AIM2: variants seen among roughly 807,000 people sequenced by gnomAD.
AIM2 encodes the protein absent in melanoma 2, also known as interferon-inducible protein AIM2.
Under a neutral mutation model 27.7 loss-of-function variants are expected in AIM2, and 30 were observed. The observed-to-expected ratio is 1.08, with a 90% confidence interval of 0.81 to 1.47. AIM2 has a LOEUF of 1.47. Ranked by LOEUF, AIM2 falls within the 40% of genes most tolerant of loss-of-function variation. The pLI is 0.00. For missense variants in AIM2, 358 were observed against 411.3 expected, an observed-to-expected ratio of 0.87 and a Z score of 1.12; for synonymous variants, 141 against 145.3, an observed-to-expected ratio of 0.97 and a Z score of 0.21.
chr1:159,057,388 T>C, the AIM2 span, among the ~76,000 whole-genome samples: 1 of 152,182 alleles, frequency 6.6e-6, no homozygotes, highest in Admixed American at 6.5e-5. Context: ...AAAAGATGTC[T>C]TGTGACACAC....
At chr1:159,056,738 A>C in the AIM2 span, among the ~76,000 whole-genome samples, 1,070 of 144,852 alleles carry the variant, frequency 7.4e-3, 18 homozygotes, top group African/African-American at 0.026. Flanking sequence ...AAAAAAAAAA[A>C]AAAAAAAAAA....
At chr1:159,075,674 T>C (rs1429492235) in intron 1 of AIM2, among the ~76,000 whole-genome samples, 1 of 151,904 alleles carries the variant, frequency 6.6e-6, no homozygotes, top group African/African-American at 2.4e-5. Context: ...TGGAGAACCA[T>C]GTATCAATAA....
At chr1:159,059,269 A>AAC (rs142543433), downstream of AIM2, among the ~76,000 whole-genome samples, 31 of 150,728 alleles carry the variant, frequency 2.1e-4, no homozygotes, top group South Asian at 6.3e-4. Flanking sequence ...ACACACACCA[A>AAC]ACACACACAC....
chr1:159,081,467 A>G (rs1656773722), upstream of AIM2: 2 of 502,404 alleles, frequency 4.0e-6, no homozygotes, highest in Admixed American at 2.1e-5. Context: ...GTCACATCCA[A>G]TCTGGGAAAT....
chr1:159,111,583 G>C lies in AIM2; in HGVS notation c.-16+28848C>G, dbSNP rs113459264. ...CTTGTCCCCACAGAGTTTATGACAG[G>C]ATTTATGAAACAAAAATCAAAGAAA... is the stretch of plus-strand genomic sequence containing the variant. On this transcript the variant is annotated intron_variant, in intron 1 of 2. Transcript: ENST00000368129. 4.8e-3 allele frequency among the ~76,000 whole-genome samples: 724 copies of C among 152,036 alleles called. 9 individuals are homozygous for C. Among genetic ancestry groups the C allele is most frequent in the African/African-American group, 0.017 (697 of 41,472 alleles).
rs545837561 is a variant in AIM2, at chr1:159,066,228, C to T, written c.498G>A (p.Thr166=). 94 of 1,614,160 alleles carry T rather than the reference C, an allele frequency of 5.8e-5. No individual in the cohort carries two copies. The South Asian group carries it at 8.6e-4, about 15-fold the overall frequency. Residue 166 remains threonine, a synonymous_variant, in exon 4 of 6, where the codon ACG becomes ACA. Coordinates refer to ENST00000368130, the MANE Select transcript of AIM2 (RefSeq NM_004833.3). The part of the protein sequence containing the change: ...VMVLKAKKPF[T]FETQEGKQEM... ...CCTGCTTGCCTTCTTGGGTCTCAAACGTGAAGGGCTTCTTTGCTTTCAGTA... is the reference window on the plus strand; with the variant it reads ...CCTGCTTGCCTTCTTGGGTCTCAAATGTGAAGGGCTTCTTTGCTTTCAGTA...
upstream of AIM2, among the ~76,000 whole-genome samples, chr1:159,080,803 T>C (rs1006906410): frequency 3.9e-5 from 6 of 152,178 alleles, no homozygotes; most frequent in Non-Finnish European, 8.8e-5. Context: ...AGTTCTGATA[T>C]GCCTTCAACA....
chr1:159,094,612 C>T (rs979482808), intron 1 of AIM2, among the ~76,000 whole-genome samples: 4 of 152,280 alleles, frequency 2.6e-5, no homozygotes, highest in South Asian at 4.1e-4. Context: ...GCTGGAGAAT[C>T]GCTTGAAACT....
upstream of AIM2, among the ~76,000 whole-genome samples, chr1:159,077,213 C>A (rs1281368827): frequency 6.6e-6 from 1 of 150,390 alleles, no homozygotes; most frequent in Non-Finnish European, 1.5e-5. Flanking sequence ...TGCAGGCACT[C>A]AAAGATTTGA....
intron 1 of AIM2, among the ~76,000 whole-genome samples, chr1:159,112,427 T>A (rs535083710): frequency 2.6e-5 from 4 of 152,200 alleles, no homozygotes; most frequent in African/African-American, 9.6e-5. Context: ...TTAACAGATA[T>A]AAACAAAAAT....
exon 1 of AIM2, chr1:159,147,011 T>C (rs703154): frequency 0.91 from 137,960 of 152,318 alleles, 62,738 homozygotes; most frequent in East Asian, 1. Flanking sequence ...GAGGCTTACC[T>C]GGAAGAACTT....
chr1:159,090,115 C>T (rs1657012484), intron 1 of AIM2, among the ~76,000 whole-genome samples: 1 of 152,194 alleles, frequency 6.6e-6, no homozygotes, highest in African/African-American at 2.4e-5. Context: ...CTCTAGGGTT[C>T]CCAGGGGGAT....
intron 1 of AIM2, among the ~76,000 whole-genome samples, chr1:159,118,993 T>C (rs1647458295): frequency 6.6e-6 from 1 of 152,204 alleles, no homozygotes; most frequent in Admixed American, 6.5e-5. Context: ...GCTGTGGCTC[T>C]GGTGTGCTTT....
At chr1:159,136,852 A>G (rs922002559) in intron 1 of AIM2, among the ~76,000 whole-genome samples, 2 of 152,232 alleles carry the variant, frequency 1.3e-5, no homozygotes, top group African/African-American at 4.8e-5. Context: ...TCGGCCAGGT[A>G]AGCTCTCCAG....
chr1:159,090,035 T>C (rs1657010647), intron 1 of AIM2, among the ~76,000 whole-genome samples: 1 of 152,162 alleles, frequency 6.6e-6, no homozygotes, highest in Admixed American at 6.5e-5. Flanking sequence ...GCCAAGGATT[T>C]AGGGTCTATG....
chr1:159,101,808 A>G (rs967737041), intron 1 of AIM2, among the ~76,000 whole-genome samples: 5 of 152,196 alleles, frequency 3.3e-5, no homozygotes, highest in African/African-American at 1.2e-4. Context: ...GATTTAGGGT[A>G]TCTGGTGGGA....
the AIM2 span, among the ~76,000 whole-genome samples, chr1:159,055,448 A>G: frequency 6.6e-6 from 1 of 152,180 alleles, no homozygotes; most frequent in Admixed American, 6.5e-5. Context: ...GGTCTCCTGG[A>G]GGGGGCATAA....
At chr1:159,145,651 A>G (rs1648187917) in intron 1 of AIM2, among the ~76,000 whole-genome samples, 1 of 152,220 alleles carries the variant, frequency 6.6e-6, no homozygotes, top group Non-Finnish European at 1.5e-5. Context: ...AATCTATCTT[A>G]ACAATGGGCT....
At position 159,065,949 on chromosome 1, in the gene AIM2, G is replaced by T; in HGVS notation, c.777C>A (p.Pro259=). ...TPKINTLQTQ[P]LGTIVNGLFV... ...ACAAACCATTCACAATTGTTCCAAG[G>T]GGCTGAGTTTGAAGCGTGTTGATCT... is the stretch of plus-strand genomic sequence containing the variant. Residue 259 remains proline (P), a synonymous_variant, in exon 4 of 6, where the codon CCC becomes CCA. Coordinates refer to ENST00000368130, the MANE Select transcript of AIM2 (RefSeq NM_004833.3). 1 of 1,613,848 alleles carries T rather than the reference G, an allele frequency of 6.2e-7. No individual in the cohort carries two copies. The highest frequency in any genetic ancestry group is 2.2e-5 in the East Asian group (1 of 44,872).
Sources: gnomAD v4.1 joint callset for allele counts (sites outside exome capture counted in the v4.1 genomes callset) on GRCh38, gnomAD v4.1.1 for gene constraint, MANE v1.5 for transcripts, NCBI Gene and HGNC (gene_info 2026-07-23, HGNC 2026-07-21) for gene names.